Variants in RACK1 observed in about 807,000 individuals in gnomAD.
The protein encoded by RACK1 is receptor for activated C kinase 1, also known as small ribosomal subunit protein RACK1.
A neutral mutation model predicts 42.2 loss-of-function variants in RACK1; 3 were observed. The observed-to-expected ratio is 0.07, with a 90% confidence interval of 0.03 to 0.18. The LOEUF is 0.18. Among genes scored for constraint, RACK1 ranks in the 10% least tolerant of loss-of-function variants. The probability of loss-of-function intolerance (pLI) is 1.00; values close to 1 mark genes in which losing one functional copy is unlikely to be tolerated. For missense variants in RACK1, 146 were observed against 403.2 expected (o/e 0.36, Z 5.46); for synonymous variants, 181 against 154.8 (o/e 1.17, Z -1.25).
At chr5:181,243,565 G>C (rs955190780) in intron 1 of RACK1, 127 bp downstream of exon 1, 1 of 1,414,330 alleles carries the variant, frequency 7.1e-7, no homozygotes, top group Non-Finnish European at 9.6e-7. Context: ...ATGGGGCAGA[G>C]AAGTCTGTCA....
chr5:181,241,695 C>G (rs1759351506), intron 2 of RACK1, 56 bp from the exon 3 acceptor site: 2 of 1,575,852 alleles, frequency 1.3e-6, no homozygotes, highest in African/African-American at 2.7e-5. Context: ...ATTCAACGGT[C>G]AGACTCATTT....
rs57063983 is a variant in RACK1, at chr5:181,241,426, C to CAAAAAAAAAAAAAAA, written c.429+51_429+65dup. ...GCTTGGGCAAGAGTGAGACTGTCGC[C>CAAAAAAAAAAAAAAA]AAAAAAAAAAAAAAAAAGCAAAGTT... is the stretch of plus-strand genomic sequence containing the variant. On this transcript the variant is annotated intron_variant, in intron 3 of 7. Transcript: ENST00000512805. 168 of 1,074,412 alleles carry CAAAAAAAAAAAAAAA rather than the reference C, an allele frequency of 1.6e-4. 1 individual carries two copies. Among genetic ancestry groups the CAAAAAAAAAAAAAAA allele is most frequent in the Middle Eastern group, 5.4e-4 (2 of 3,726 alleles). The allele number at this position is 1,074,412 out of a possible 1,614,324, so 66.6% of individuals were successfully genotyped here.
intron 7 of RACK1, 112 bp from the exon 8 acceptor site, chr5:181,237,154 G>A (rs776519013): frequency 6.4e-7 from 1 of 1,556,442 alleles, no homozygotes; most frequent in East Asian, 2.4e-5. Flanking sequence ...CCATTGTCTA[G>A]GCTGGAGTGC....
intron 7 of RACK1, chr5:181,237,254 G>T: frequency 1.1e-6 from 1 of 918,932 alleles, no homozygotes; most frequent in Non-Finnish European, 1.7e-6. Context: ...GTGCCACAAC[G>T]CCGGGTAGAC....
chr5:181,238,720 T>C, intron 5 of RACK1: 1 of 367,884 alleles, frequency 2.7e-6, no homozygotes. Flanking sequence ...GAGAATTGCT[T>C]GAACCCGGGA....
At chr5:181,237,253 C>T (rs889405721) in intron 7 of RACK1, 47 of 921,036 alleles carry the variant, frequency 5.1e-5, no homozygotes, top group Middle Eastern at 2.1e-4. Flanking sequence ...TGTGCCACAA[C>T]GCCGGGTAGA....
At chr5:181,242,617 G>A (rs753497035) in intron 1 of RACK1, 18 of 495,960 alleles carry the variant, frequency 3.6e-5, no homozygotes, top group Non-Finnish European at 5.5e-5. Flanking sequence ...GAGTGCAGTG[G>A]CATGATCTCG....
At chr5:181,243,653 C>T in intron 1 of RACK1, 39 bp downstream of exon 1, 2 of 1,556,764 alleles carry the variant, frequency 1.3e-6, no homozygotes, top group African/African-American at 1.4e-5. Context: ...ATCCCCCAGC[C>T]CTGCAATCTC....
intron 7 of RACK1, chr5:181,237,295 G>C: frequency 2.7e-6 from 2 of 739,438 alleles, no homozygotes; most frequent in Non-Finnish European, 4.8e-6. Flanking sequence ...TCAACAGCCA[G>C]CTTGTAAGTG....
chr5:181,237,194 T>A, intron 7 of RACK1, 152 bp from the exon 8 acceptor site: 1 of 1,419,922 alleles, frequency 7.0e-7, no homozygotes, highest in Non-Finnish European at 9.7e-7. Flanking sequence ...ACTACAGCCT[T>A]AAGCCCCTGC....
chr5:181,243,702 G>A lies in RACK1; in HGVS notation c.99C>T (p.Ser33=), dbSNP rs1185449171. 6.2e-7 allele frequency: 1 copy of A among 1,604,770 alleles called. No individual in the cohort carries two copies. The highest frequency in any genetic ancestry group is 1.1e-5 in the South Asian group (1 of 89,244). The stretch of plus-strand genomic sequence containing the variant: ...TACCTTAGTCCGTACCTCGAGAGGC[G>A]GAGAGGATCATGTCCGGGAACTGCG... ...TTPQFPDMIL[S]ASRDKTIIMW... is the part of the protein sequence containing the mutation. Residue 33 remains serine, a synonymous_variant, in exon 1 of 8, where the codon TCC becomes TCT. Transcript: ENST00000512805.
intron 2 of RACK1, chr5:181,241,948 C>T (rs1046228610): frequency 9.1e-6 from 7 of 767,486 alleles, no homozygotes; most frequent in Non-Finnish European, 1.7e-5. Context: ...GTTCAAACTG[C>T]TGCCCACTCA....
At chr5:181,239,621 A>T in intron 3 of RACK1, 39 bp from the exon 4 acceptor site, 1 of 1,346,150 alleles carries the variant, frequency 7.4e-7, no homozygotes, top group Non-Finnish European at 1.1e-6. Flanking sequence ...AAACAGTCCT[A>T]TCCCATGAAA....
At chr5:181,241,665 C>T in intron 2 of RACK1, 26 bp from the exon 3 acceptor site, 1 of 1,612,618 alleles carries the variant, frequency 6.2e-7, no homozygotes, top group South Asian at 1.1e-5. Context: ...TTGTCATTCT[C>T]AGACTTAGCA....
intron 4 of RACK1, 155 bp from the exon 5 acceptor site, chr5:181,239,332 A>G (rs1759257031): frequency 6.6e-6 from 5 of 763,008 alleles, no homozygotes; most frequent in South Asian, 1.4e-5. Context: ...ACACATATCC[A>G]ATGCAGTGTG....
intron 1 of RACK1, chr5:181,243,393 G>C (rs1287493547): frequency 7.0e-7 from 1 of 1,432,588 alleles, no homozygotes; most frequent in South Asian, 1.1e-5. Flanking sequence ...CGGCCCGTAG[G>C]CCCCCGGCCA....
chr5:181,242,985 G>A lies in RACK1; in HGVS notation c.110-640C>T, dbSNP rs374719172. 8.7e-4 allele frequency: 296 copies of A among 341,538 alleles called. 5 individuals carry two copies. Among genetic ancestry groups the A allele is most frequent in the South Asian group, 6.3e-3 (289 of 45,642 alleles). 21.2% of individuals were successfully genotyped at this position (341,538 alleles called of 1,614,324 possible). ...CACAGCAGTTTGTGGCTGTAGAGTA[G>A]CTGGGGCCTCCTATGCCTACCTCTG... On this transcript the variant is annotated intron_variant, in intron 1 of 7. Coordinates refer to ENST00000512805, the MANE Select transcript of RACK1 (RefSeq NM_006098.5).
Position 181,239,598 on chromosome 5 carries a change from A to G in RACK1, c.430-16T>C, listed in dbSNP as rs565706686. 3 of 1,561,322 alleles carry G rather than the reference A, an allele frequency of 1.9e-6. No homozygotes were observed. The highest frequency in any genetic ancestry group is 2.7e-5 in the African/African-American group (2 of 73,858). ...GGCTCTCATCCTACAGAAGATGGAA[A>G]GGAAATTAGGGCAAACAGTCCTATC... On this transcript the variant is annotated splice_polypyrimidine_tract_variant and intron_variant, in intron 3 of 7. Transcript: ENST00000512805.
chr5:181,236,923 T>TA lies in RACK1; in HGVS notation c.*53dup. ...TTTTTGCATATAAGAAAAAAAAACC[T>TA]AAAAGTCAGAAAAGCCAGTTTTTTT... On this transcript the variant is annotated 3_prime_UTR_variant, in exon 8 of 8. Coordinates refer to ENST00000512805, the MANE Select transcript of RACK1 (RefSeq NM_006098.5). 6.4e-7 allele frequency: 1 copy of TA among 1,553,246 alleles called. No homozygotes were observed. Among genetic ancestry groups the TA allele is most frequent in the Admixed American group, 2.2e-5 (1 of 45,276 alleles).
Sources: allele counts gnomAD v4.1 joint callset, GRCh38; gene constraint gnomAD v4.1.1; transcripts MANE v1.5; gene names NCBI Gene and HGNC (gene_info 2026-07-23, HGNC 2026-07-21).